Variants in CDCA7L observed in about 807,000 individuals in gnomAD.
The protein encoded by CDCA7L is cell division cycle associated 7 like, also known as cell division cycle-associated 7-like protein.
CDCA7L carries 44 observed loss-of-function variants against 57.4 expected under a neutral mutation model. That is an observed-to-expected ratio of 0.77 (90% CI 0.60 to 0.98). The LOEUF is 0.98. CDCA7L is among the 50% of genes least tolerant of loss of function. CDCA7L has a pLI of 0.00. For missense variants in CDCA7L, 644 were observed against 580.6 expected, an observed-to-expected ratio of 1.11 and a Z score of -1.12; for synonymous variants, 236 against 202.8, an observed-to-expected ratio of 1.16 and a Z score of -1.39.
intron 1 of CDCA7L, among the ~76,000 whole-genome samples, chr7:21,940,912 C>G (rs1786321917): frequency 6.6e-6 from 1 of 152,230 alleles, no homozygotes; most frequent in Non-Finnish European, 1.5e-5. Context: ...TTCCCCCCAA[C>G]TAGAACATTC....
intron 1 of CDCA7L, among the ~76,000 whole-genome samples, chr7:21,919,065 A>C (rs1030684348): frequency 6.6e-5 from 10 of 152,062 alleles, no homozygotes; most frequent in Admixed American, 6.5e-4. Context: ...TGATCCTCTC[A>C]CCTCAGCCTC....
In CDCA7L at chr7:21,901,205, AGACTGCAAAATGGGTTCTGGC is replaced by A. The variant is rs1562614818; in HGVS notation, c.*1096_*1116del. The stretch of plus-strand genomic sequence containing the variant: ...ACCTTCAGGCTGAAGAGCGAAGAGA[AGACTGCAAAATGGGTTCTGGC>A]TGGAGTGGCTCTGCTTCTAGAAGCG... On this transcript the variant is annotated 3_prime_UTR_variant, in exon 10 of 10. Transcript: ENST00000406877. 6.2e-7 allele frequency: 1 copy of A among 1,613,094 alleles called. No individual in the cohort carries two copies. The highest frequency in any genetic ancestry group is 8.5e-7 in the Non-Finnish European group (1 of 1,179,222).
rs1020834850 is a variant in CDCA7L at position 21,902,572 on chromosome 7, G to T, written c.1335-220C>A. The T allele has an allele frequency of 5.1e-6, 3 of 585,370 alleles. No homozygotes were observed. In the Admixed American group the frequency reaches 9.0e-5, roughly 17 times the overall value. The allele number at this position is 585,370 out of a possible 1,614,324, so 36.3% of individuals were successfully genotyped here. A position where few individuals can be genotyped will look rare whatever the true frequency, so the allele number is the denominator to read the frequency against. On this transcript the variant is annotated intron_variant, in intron 9 of 9. Transcript: ENST00000406877. ...TCCCGCATTCCAGAACCACGATTCA[G>T]AGTTTATTAATTACATAAATGAAAC...
intron 1 of CDCA7L, chr7:21,940,180 C>G: frequency 2.0e-5 from 4 of 198,992 alleles, no homozygotes; most frequent in Non-Finnish European, 2.7e-5. Flanking sequence ...ACATATAGTA[C>G]TTCTCATATT....
chr7:21,909,249 C>T (rs1480530163), intron 3 of CDCA7L, among the ~76,000 whole-genome samples: 1 of 152,146 alleles, frequency 6.6e-6, no homozygotes, highest in Non-Finnish European at 1.5e-5. Context: ...AACAGGGATA[C>T]ATCACCTAGG....
intron 7 of CDCA7L, among the ~76,000 whole-genome samples, chr7:21,904,483 G>A (rs1785067323): frequency 6.6e-6 from 1 of 152,238 alleles, no homozygotes; most frequent in Non-Finnish European, 1.5e-5. Context: ...TGCACAGCAG[G>A]AAGTGAGCAG....
chr7:21,925,777 C>T (rs913550603), intron 1 of CDCA7L, among the ~76,000 whole-genome samples: 30 of 152,212 alleles, frequency 2.0e-4, no homozygotes, highest in African/African-American at 7.0e-4. Context: ...GTCCCAGCTA[C>T]TTGGGAGGCT....
rs143362381 is a variant in CDCA7L, at chr7:21,901,198, G to A, written c.*1124C>T. ...CATCTGGACCTTCAGGCTGAAGAGC[G>A]AAGAGAAGACTGCAAAATGGGTTCT... On this transcript the variant is annotated 3_prime_UTR_variant, in exon 10 of 10. Coordinates refer to ENST00000406877, the MANE Select transcript of CDCA7L (RefSeq NM_018719.5). The A allele has an allele frequency of 3.7e-3, 5,916 of 1,613,662 alleles. 50 individuals carry two copies. The highest frequency in any genetic ancestry group is 4.3e-3 in the Middle Eastern group (26 of 6,062).
At chr7:21,944,757 C>T (rs1406060262) in intron 1 of CDCA7L, 1 of 152,028 alleles carries the variant, frequency 6.6e-6, no homozygotes, top group East Asian at 1.9e-4. Flanking sequence ...CTGCGCCTTC[C>T]AACGCTGGCG....
At chr7:21,903,288 C>G (rs1040548614) in intron 8 of CDCA7L, among the ~76,000 whole-genome samples, 174 bp from the exon 9 acceptor site, 1 of 152,146 alleles carries the variant, frequency 6.6e-6, no homozygotes, top group Non-Finnish European at 1.5e-5. Context: ...AATCACCCCA[C>G]GTCACATGCA....
intron 3 of CDCA7L, among the ~76,000 whole-genome samples, chr7:21,911,323 G>A (rs1450486871): frequency 6.6e-6 from 1 of 151,888 alleles, no homozygotes; most frequent in Non-Finnish European, 1.5e-5. Context: ...CACCGTGCCT[G>A]GCCAAGAGAG....
chr7:21,945,483 T>C (rs984715750), intron 1 of CDCA7L, among the ~76,000 whole-genome samples: 1 of 151,990 alleles, frequency 6.6e-6, no homozygotes, highest in Non-Finnish European at 1.5e-5. Context: ...ACGCAGGCGC[T>C]GCGCCCCGCT....
At chr7:21,921,564 G>A (rs1427787240) in intron 1 of CDCA7L, among the ~76,000 whole-genome samples, 1 of 150,424 alleles carries the variant, frequency 6.6e-6, no homozygotes, top group East Asian at 2.0e-4. Flanking sequence ...CCACTGGGTA[G>A]CTGCATAGTC....
intron 1 of CDCA7L, among the ~76,000 whole-genome samples, chr7:21,938,864 G>C (rs1438825830): frequency 6.6e-6 from 1 of 151,972 alleles, no homozygotes; most frequent in African/African-American, 2.4e-5. Context: ...AGAAAAATTA[G>C]CCAAGCAGGG....
Position 21,902,306 on chromosome 7 carries a change from T to TCTGTTTGTTTTCCTCTTAA in CDCA7L, c.1362_*15dup. On this transcript the variant is annotated 3_prime_UTR_variant, in exon 10 of 10. Coordinates refer to ENST00000406877, the MANE Select transcript of CDCA7L (RefSeq NM_018719.5). Reference sequence around the variant, plus strand: ...AGTACTCTATGGTGAGGTGGCTGGTTCTGTTTGTTTTCCTCTTAATTGTCT... The same window carrying TCTGTTTGTTTTCCTCTTAA: ...AGTACTCTATGGTGAGGTGGCTGGTTCTGTTTGTTTTCCTCTTAACTGTTTGTTTTCCTCTTAATTGTCT... The TCTGTTTGTTTTCCTCTTAA allele has an allele frequency of 6.2e-7, 1 of 1,613,724 alleles. No individual in the cohort carries two copies. The highest frequency in any genetic ancestry group is 1.1e-5 in the South Asian group (1 of 91,072).
intron 7 of CDCA7L, among the ~76,000 whole-genome samples, 167 bp downstream of exon 7, chr7:21,905,339 C>G (rs1785105900): frequency 1.3e-5 from 2 of 152,130 alleles, no homozygotes; most frequent in Non-Finnish European, 1.5e-5. Context: ...CTGCACTAGG[C>G]TGCCTCCCCT....
intron 3 of CDCA7L, among the ~76,000 whole-genome samples, chr7:21,910,741 A>G (rs73281704): frequency 0.012 from 1,754 of 152,270 alleles, 29 homozygotes; most frequent in African/African-American, 0.04. Flanking sequence ...CAAACAAATA[A>G]CTAACAAGTC....
intron 1 of CDCA7L, among the ~76,000 whole-genome samples, chr7:21,921,770 C>T (rs943022720): frequency 1.3e-5 from 2 of 149,366 alleles, no homozygotes; most frequent in African/African-American, 4.9e-5. Context: ...ATCTAGTGAA[C>T]CAAAAAAAAA....
chr7:21,945,618 C>T (rs1786500894), intron 1 of CDCA7L, among the ~76,000 whole-genome samples, 163 bp downstream of exon 1: 3 of 152,126 alleles, frequency 2.0e-5, no homozygotes, highest in Admixed American at 6.5e-5. Flanking sequence ...ACTGCGCACA[C>T]CTGCAGGGCG....
Sources: allele counts gnomAD v4.1 joint callset (sites outside exome capture counted in the v4.1 genomes callset), GRCh38; gene constraint gnomAD v4.1.1; transcripts MANE v1.5; gene names NCBI Gene and HGNC (gene_info 2026-07-23, HGNC 2026-07-21).